Variants in PTPRK observed in about 807,000 individuals in gnomAD.
PTPRK encodes the protein receptor-type tyrosine-protein phosphatase kappa.
Under a neutral mutation model 178.0 loss-of-function variants are expected in PTPRK, and 75 were observed. That is an observed-to-expected ratio of 0.42 (90% CI 0.35 to 0.51). The LOEUF is 0.51. PTPRK is among the 20% of genes least tolerant of loss of function. PTPRK has a pLI of 0.02. For synonymous variants in PTPRK, 637 were observed against 620.6 expected (o/e 1.03, Z -0.39); for missense variants, 1,441 against 1,797.8 (o/e 0.80, Z 3.59).
intron 7 of PTPRK, among the ~76,000 whole-genome samples, chr6:128,140,107 C>T (rs1795563935): frequency 6.6e-6 from 1 of 151,968 alleles, no homozygotes; most frequent in African/African-American, 2.4e-5. Context: ...ACATTGCTTC[C>T]AGACTCCTTA....
chr6:128,209,770 A>C (rs1340229690), intron 6 of PTPRK, among the ~76,000 whole-genome samples: 37 of 152,138 alleles, frequency 2.4e-4, no homozygotes, highest in Non-Finnish European at 2.9e-5. Context: ...CAGGGTGATT[A>C]GAAAAAGCCA....
At chr6:127,972,716 C>T (rs1248835476) in intron 29 of PTPRK, among the ~76,000 whole-genome samples, 2 of 152,206 alleles carry the variant, frequency 1.3e-5, no homozygotes, top group Admixed American at 1.3e-4. Context: ...AGGATTTATT[C>T]TTCTTATAGG....
chr6:128,038,357 AT>A (rs1219844641), intron 13 of PTPRK, among the ~76,000 whole-genome samples: 1 of 152,214 alleles, frequency 6.6e-6, no homozygotes, highest in East Asian at 1.9e-4. Context: ...TTAGTAGTGA[AT>A]TTAAAAATAT....
chr6:128,460,471 G>A (rs962102641), intron 1 of PTPRK, among the ~76,000 whole-genome samples: 1 of 151,976 alleles, frequency 6.6e-6, no homozygotes, highest in Non-Finnish European at 1.5e-5. Context: ...GAGCCCAGGA[G>A]GTTGAGGCTG....
intron 13 of PTPRK, among the ~76,000 whole-genome samples, chr6:128,054,536 G>C (rs1682475936): frequency 1.3e-5 from 2 of 152,130 alleles, no homozygotes; most frequent in African/African-American, 4.8e-5. Flanking sequence ...CAGATGACTT[G>C]TTCAAATCCT....
At position 128,011,990 on chromosome 6, in the gene PTPRK, A is replaced by T. The variant is rs538154730; in HGVS notation, c.2195-2722T>A. 2.6e-5 allele frequency among the ~76,000 whole-genome samples: 4 copies of T among 151,320 alleles called. No homozygotes were observed. The Admixed American group carries it at 2.6e-4, about 10-fold the overall frequency. On this transcript the variant is annotated intron_variant, in intron 13 of 29. Coordinates refer to ENST00000368226, the MANE Select transcript of PTPRK (RefSeq NM_002844.4). The stretch of plus-strand genomic sequence containing the variant: ...GAAAAAAAAGCCCATTAAGTTATTT[A>T]TTTGAGTTGGGTAAGGCTGCCTGTC...
At chr6:127,999,613 C>A (rs1777561116) in intron 15 of PTPRK, among the ~76,000 whole-genome samples, 1 of 152,020 alleles carries the variant, frequency 6.6e-6, no homozygotes. Flanking sequence ...GTGGGTTCCT[C>A]CCCTGGAAGT....
chr6:128,407,224 T>C (rs1361905399), intron 1 of PTPRK, among the ~76,000 whole-genome samples: 3 of 152,296 alleles, frequency 2.0e-5, no homozygotes, highest in East Asian at 3.9e-4. Flanking sequence ...AATAATTTAA[T>C]GGAGATAAGA....
At chr6:128,178,552 C>A (rs1483991896) in intron 7 of PTPRK, among the ~76,000 whole-genome samples, 4 of 151,716 alleles carry the variant, frequency 2.6e-5, no homozygotes, top group African/African-American at 9.7e-5. Context: ...TTTAAAATCC[C>A]CTTATAAAAG....
intron 1 of PTPRK, among the ~76,000 whole-genome samples, chr6:128,498,701 T>A (rs541830030): frequency 6.6e-6 from 1 of 152,328 alleles, no homozygotes; most frequent in East Asian, 1.9e-4. Context: ...ATATTTTGGA[T>A]TAGGCCACAG....
At chr6:128,174,639 A>C (rs1800794617) in intron 7 of PTPRK, among the ~76,000 whole-genome samples, 1 of 151,914 alleles carries the variant, frequency 6.6e-6, no homozygotes, top group African/African-American at 2.4e-5. Context: ...GTACATGCCC[A>C]AATAGCTCAA....
chr6:127,973,624 C>A, intron 28 of PTPRK, 40 bp downstream of exon 28: 1 of 1,605,104 alleles, frequency 6.2e-7, no homozygotes, highest in Non-Finnish European at 8.5e-7. Context: ...AAAATAAGCA[C>A]CAAGGCCCCA....
At chr6:128,487,363 G>C (rs537588869) in intron 1 of PTPRK, among the ~76,000 whole-genome samples, 1 of 150,944 alleles carries the variant, frequency 6.6e-6, no homozygotes, top group Non-Finnish European at 1.5e-5. Context: ...AACTGGGAAG[G>C]CCTCAAAAAC....
intron 15 of PTPRK, chr6:128,001,050 AT>A: frequency 3.7e-6 from 2 of 547,004 alleles, no homozygotes; most frequent in Non-Finnish European, 6.2e-6. Flanking sequence ...ATCTCAATAC[AT>A]TTCCACCTCA....
At chr6:128,331,655 T>C (rs1830295319) in intron 2 of PTPRK, among the ~76,000 whole-genome samples, 1 of 152,180 alleles carries the variant, frequency 6.6e-6, no homozygotes, top group Admixed American at 6.5e-5. Context: ...TGGATGCTTC[T>C]CTTCTAATGA....
chr6:128,303,426 T>C (rs890978794), intron 3 of PTPRK, among the ~76,000 whole-genome samples: 1 of 152,190 alleles, frequency 6.6e-6, no homozygotes, highest in Non-Finnish European at 1.5e-5. Context: ...AGCGGCCCCA[T>C]AGGTGAGAAG....
At chr6:128,388,806 CAGA>C (rs1839141206) in intron 2 of PTPRK, among the ~76,000 whole-genome samples, 1 of 152,118 alleles carries the variant, frequency 6.6e-6, no homozygotes, top group Non-Finnish European at 1.5e-5. Flanking sequence ...TGGGATCAGA[CAGA>C]AGGAGTCAGA....
chr6:128,161,791 A>C (rs528504587), intron 7 of PTPRK, among the ~76,000 whole-genome samples: 9 of 151,734 alleles, frequency 5.9e-5, no homozygotes, highest in Non-Finnish European at 1.2e-4. Flanking sequence ...TAACCCTCAT[A>C]AACTTGGGTG....
At chr6:128,207,349 T>C (rs964531372) in intron 6 of PTPRK, among the ~76,000 whole-genome samples, 7 of 152,302 alleles carry the variant, frequency 4.6e-5, no homozygotes, top group South Asian at 4.1e-4. Context: ...CTAATAGTGA[T>C]TGACTTCTCT....
Sources: gnomAD v4.1 joint callset for allele counts (sites outside exome capture counted in the v4.1 genomes callset) on GRCh38, gnomAD v4.1.1 for gene constraint, MANE v1.5 for transcripts, NCBI Gene and HGNC (gene_info 2026-07-23, HGNC 2026-07-21) for gene names.